PCDHA2: variants seen among roughly 807,000 people sequenced by gnomAD.
The protein encoded by PCDHA2 is protocadherin alpha-2.
PCDHA2 carries 58 observed loss-of-function variants against 66.0 expected under a neutral mutation model. The observed-to-expected ratio is 0.88, with a 90% CI of 0.71 to 1.09. PCDHA2 has a LOEUF of 1.09. Among genes scored for constraint, PCDHA2 ranks in the 50% least tolerant of loss-of-function variants. PCDHA2 has a pLI of 0.00. For missense variants in PCDHA2, 1,267 were observed against 1,242.3 expected (o/e 1.02, Z -0.30); for synonymous variants, 634 against 554.0 (o/e 1.14, Z -2.03).
rs151049201 is a variant in PCDHA2, at chr5:140,797,056, G to A, written c.2092G>A (p.Val698Met). The A allele has an allele frequency of 9.7e-4, 1,560 of 1,613,760 alleles. 5 individuals are homozygous for A. The highest frequency in any genetic ancestry group is 1.1e-3 in the Non-Finnish European group (1,288 of 1,179,960). Residue 698 changes from valine (V) to methionine (M), a missense_variant, in exon 1 of 4, where the codon GTG becomes ATG. Transcript: ENST00000526136. ...GSEATLVDVN[V>M]YLIIAICAVS... ...AGAGGCTACGCTGGTGGATGTCAACGTGTACCTGATCATCGCCATCTGCGC... is the reference window on the plus strand; with the variant it reads ...AGAGGCTACGCTGGTGGATGTCAACATGTACCTGATCATCGCCATCTGCGC...
rs77098340 is a variant in PCDHA2 at position 140,895,412 on chromosome 5, C to T, written c.2389-83537C>T. 8.0e-3 allele frequency among the ~76,000 whole-genome samples: 1,218 copies of T among 152,216 alleles called. 6 individuals carry two copies. Among genetic ancestry groups the T allele is most frequent in the African/African-American group, 0.019 (785 of 41,528 alleles). On this transcript the variant is annotated intron_variant, in intron 1 of 3. Coordinates refer to ENST00000526136, the MANE Select transcript of PCDHA2 (RefSeq NM_018905.3). The stretch of plus-strand genomic sequence containing the variant: ...CTCAACACCATCAAAAGCCCCATAA[C>T]CTTCTTTTGCTTCCTCCTGAGACTC...
chr5:140,823,013 A>C, intron 1 of PCDHA2: 1 of 1,614,200 alleles, frequency 6.2e-7, no homozygotes, highest in South Asian at 1.1e-5. Context: ...AGCGCCCTGG[A>C]CCGCGAGAGC....
chr5:140,894,525 A>G (rs544789222), intron 1 of PCDHA2, among the ~76,000 whole-genome samples: 11 of 151,856 alleles, frequency 7.2e-5, no homozygotes, highest in African/African-American at 2.7e-4. Context: ...ATATGCTGTT[A>G]TGTGCCTTCT....
At chr5:140,836,689 T>C in intron 1 of PCDHA2, 1 of 1,613,456 alleles carries the variant, frequency 6.2e-7, no homozygotes. Flanking sequence ...AAGACAGACC[T>C]CATGGCCTTC....
chr5:140,945,560 C>T (rs1321626108), intron 1 of PCDHA2, among the ~76,000 whole-genome samples: 3 of 151,960 alleles, frequency 2.0e-5, no homozygotes, highest in Non-Finnish European at 2.9e-5. Context: ...AAGCTGAAGA[C>T]ATCATACTAC....
intron 3 of PCDHA2, among the ~76,000 whole-genome samples, chr5:140,985,692 C>T (rs1208331191): frequency 6.6e-6 from 1 of 151,060 alleles, no homozygotes; most frequent in Non-Finnish European, 1.5e-5. Flanking sequence ...CGCTAATCCT[C>T]GTTCATATGT....
chr5:140,969,047 A>C, intron 1 of PCDHA2: 1 of 1,614,152 alleles, frequency 6.2e-7, no homozygotes, highest in Non-Finnish European at 8.5e-7. Flanking sequence ...CAAACAAGCC[A>C]ACAACAATAT....
chr5:140,916,165 G>A (rs567070534), intron 1 of PCDHA2, among the ~76,000 whole-genome samples: 1 of 152,224 alleles, frequency 6.6e-6, no homozygotes, highest in East Asian at 1.9e-4. Context: ...AATGCTGCCA[G>A]GCCTGGGACT....
In PCDHA2 at chr5:140,797,293, T is replaced by C; in HGVS notation, c.2329T>C (p.Ser777Pro). The change falls in exon 1 of 4, where the codon TCT (serine) becomes CCT (proline). Residue 777 changes from serine to proline, a missense_variant. Ser to Pro is a moderately conservative substitution (Grantham distance 74). Coordinates refer to ENST00000526136, the MANE Select transcript of PCDHA2 (RefSeq NM_018905.3). ...CCTCATGGCCTTCAGCCCTAGCTTA[T>C]CTCAAGGTCCAGACTCCGCAGAAGA... The part of the protein sequence containing the change: ...TDLMAFSPSL[S>P]QGPDSAEEKQ... The C allele has an allele frequency of 6.2e-7, 1 of 1,614,216 alleles. No individual in the cohort carries two copies. The highest frequency in any genetic ancestry group is 8.5e-7 in the Non-Finnish European group (1 of 1,180,040).
At chr5:140,952,746 T>C (rs1554220596) in intron 1 of PCDHA2, among the ~76,000 whole-genome samples, 1 of 152,190 alleles carries the variant, frequency 6.6e-6, no homozygotes, top group Non-Finnish European at 1.5e-5. Context: ...CACACTGCTA[T>C]AAAAACACCT....
intron 1 of PCDHA2, chr5:140,809,563 C>T (rs1764498458): frequency 6.2e-7 from 1 of 1,608,252 alleles, no homozygotes. Flanking sequence ...CTGAGGAATC[C>T]TTTGCAAAGG....
intron 3 of PCDHA2, among the ~76,000 whole-genome samples, chr5:140,999,034 T>A (rs953509791): frequency 6.6e-6 from 1 of 152,210 alleles, no homozygotes; most frequent in East Asian, 1.9e-4. Flanking sequence ...TGATACTTCG[T>A]CCAGTGTGCT....
At chr5:140,947,771 T>A (rs1167163964) in intron 1 of PCDHA2, among the ~76,000 whole-genome samples, 1 of 151,706 alleles carries the variant, frequency 6.6e-6, no homozygotes, top group Non-Finnish European at 1.5e-5. Flanking sequence ...AAAATTCTAT[T>A]GTAAATGGAT....
chr5:140,821,338 G>T (rs2150060866), intron 1 of PCDHA2, among the ~76,000 whole-genome samples: 1 of 152,110 alleles, frequency 6.6e-6, no homozygotes, highest in East Asian at 1.9e-4. Context: ...TAAGGATTGG[G>T]GTTTCATGAC....
rs372609574 is a variant in PCDHA2, at chr5:140,801,557, G to A, written c.2388+4205G>A. The A allele has an allele frequency of 1.7e-5, 28 of 1,614,122 alleles. No individual in the cohort carries two copies. The African/African-American group carries it at 2.9e-4, about 17-fold the overall frequency. On this transcript the variant is annotated intron_variant, in intron 1 of 3. Transcript: ENST00000526136. Reference sequence around the variant, plus strand: ...GGCCGCTGCAGGTTTTCCATGTGGAGGTGGAAGTGAAGGACATTAATGACA... The same window carrying A: ...GGCCGCTGCAGGTTTTCCATGTGGAAGTGGAAGTGAAGGACATTAATGACA...
In PCDHA2 at chr5:140,807,837, G is replaced by T. The variant is rs782293476; in HGVS notation, c.2388+10485G>T. The T allele has an allele frequency of 3.1e-6, 5 of 1,614,048 alleles. No individual in the cohort carries two copies. Among genetic ancestry groups the T allele is most frequent in the Non-Finnish European group, 3.4e-6 (4 of 1,180,042 alleles). On this transcript the variant is annotated intron_variant, in intron 1 of 3. Coordinates refer to ENST00000526136, the MANE Select transcript of PCDHA2 (RefSeq NM_018905.3). ...TTTTTAGTGCTCACAGCCACTGATG[G>T]AGGCAAACCCGAGTTGACTGGCACC...
intron 1 of PCDHA2, chr5:140,967,572 A>G: frequency 6.2e-7 from 1 of 1,613,544 alleles, no homozygotes; most frequent in Non-Finnish European, 8.5e-7. Flanking sequence ...CTACGGGAGG[A>G]CTCACCCCCA....
chr5:140,938,176 G>A (rs1554212021), intron 1 of PCDHA2, among the ~76,000 whole-genome samples: 1 of 152,088 alleles, frequency 6.6e-6, no homozygotes, highest in Non-Finnish European at 1.5e-5. Flanking sequence ...GAGCTCCTGG[G>A]CTCAAGCAAT....
chr5:141,000,361 G>C (rs1253295818), intron 3 of PCDHA2, among the ~76,000 whole-genome samples: 2 of 26,450 alleles, frequency 7.6e-5, no homozygotes, highest in Non-Finnish European at 1.2e-4. Context: ...GTCTCTCTCT[G>C]TCTCTCTCTC....
Sources: allele counts gnomAD v4.1 joint callset (sites outside exome capture counted in the v4.1 genomes callset), GRCh38; gene constraint gnomAD v4.1.1; transcripts MANE v1.5; gene names NCBI Gene and HGNC (gene_info 2026-07-23, HGNC 2026-07-21).